The following EIF4G3 variants were observed in gnomAD, a reference collection of about 807,000 sequenced individuals.
The protein encoded by EIF4G3 is eIF-4-gamma 3.
EIF4G3 carries 34 observed loss-of-function variants against 186.4 expected under a neutral mutation model. The ratio of observed to expected loss-of-function variants is 0.18; its 90% CI spans 0.14 to 0.24. The LOEUF is 0.24. EIF4G3 is among the 10% of genes least tolerant of loss of function. The probability of loss-of-function intolerance (pLI) is 1.00; values close to 1 mark genes in which losing one functional copy is unlikely to be tolerated. For synonymous variants in EIF4G3, 673 were observed against 679.5 expected, an observed-to-expected ratio of 0.99 and a Z score of 0.15; for missense variants, 1,536 against 1,948.5, an observed-to-expected ratio of 0.79 and a Z score of 3.99.
At chr1:20,917,931 ATATAGT>A (rs2094075417) in intron 14 of EIF4G3, among the ~76,000 whole-genome samples, 1 of 73,732 alleles carries the variant, frequency 1.4e-5, no homozygotes, top group Admixed American at 1.3e-4. Flanking sequence ...TTAAAATTAT[ATATAGT>A]TATTTTTCCG....
intron 2 of EIF4G3, among the ~76,000 whole-genome samples, chr1:21,138,999 C>G (rs2097294821): frequency 6.6e-6 from 1 of 152,042 alleles, no homozygotes; most frequent in African/African-American, 2.4e-5. Context: ...ATCCTCCTGC[C>G]TTGGCCTCCC....
rs1445624960 is a variant in EIF4G3 at position 21,024,377 on chromosome 1, C to T, written c.-66-21569G>A. The stretch of plus-strand genomic sequence containing the variant: ...CAGCCCCCTGCCCAGCCAGCCACCC[C>T]GTCTGGGAGGTGTGCCCAACAGCTC... On this transcript the variant is annotated intron_variant, in intron 4 of 36. Coordinates refer to ENST00000602326, the MANE Select transcript of EIF4G3 (RefSeq NM_001391906.1). 3.9e-5 allele frequency among the ~76,000 whole-genome samples: 6 copies of T among 152,364 alleles called. No individual in the cohort carries two copies. The South Asian group carries it at 8.3e-4, about 21-fold the overall frequency.
At chr1:21,129,771 G>T (rs1245755815) in intron 2 of EIF4G3, among the ~76,000 whole-genome samples, 1 of 151,990 alleles carries the variant, frequency 6.6e-6, no homozygotes. Context: ...TTTGGGCCTA[G>T]GATCCCACAC....
At chr1:21,042,112 A>G (rs1262927427) in intron 4 of EIF4G3, among the ~76,000 whole-genome samples, 1 of 151,692 alleles carries the variant, frequency 6.6e-6, no homozygotes, top group African/African-American at 2.4e-5. Flanking sequence ...TTAGCCTCCC[A>G]ATCAGGTGAG....
intron 3 of EIF4G3, among the ~76,000 whole-genome samples, chr1:21,065,897 T>C (rs1386126198): frequency 1.3e-5 from 2 of 152,132 alleles, no homozygotes; most frequent in African/African-American, 4.8e-5. Flanking sequence ...TTTATACAAA[T>C]GGGGGTGAGA....
intron 2 of EIF4G3, among the ~76,000 whole-genome samples, chr1:21,096,750 G>A (rs891531809): frequency 6.6e-6 from 1 of 152,178 alleles, no homozygotes; most frequent in Non-Finnish European, 1.5e-5. Flanking sequence ...ACTCACATAT[G>A]ACGAAAGTCA....
chr1:20,876,939 T>A (rs2081061945), intron 20 of EIF4G3, among the ~76,000 whole-genome samples: 1 of 152,126 alleles, frequency 6.6e-6, no homozygotes, highest in African/African-American at 2.4e-5. Context: ...ATGATCATGC[T>A]ACTGGACTCC....
At chr1:20,928,150 T>G (rs2095052616) in intron 14 of EIF4G3, among the ~76,000 whole-genome samples, 1 of 152,094 alleles carries the variant, frequency 6.6e-6, no homozygotes, top group African/African-American at 2.4e-5. Flanking sequence ...ATTTAACTAG[T>G]AGTAAAGTAA....
chr1:20,826,481 CTTTTTTTT>C (rs71014120), intron 32 of EIF4G3, among the ~76,000 whole-genome samples: 1,161 of 50,712 alleles, frequency 0.023, 17 homozygotes, highest in Non-Finnish European at 0.033. Flanking sequence ...GTGAGTCTTT[CTTTTTTTT>C]TTTTTTTTTT....
intron 30 of EIF4G3, among the ~76,000 whole-genome samples, chr1:20,839,469 C>T (rs1446088038): frequency 1.3e-5 from 2 of 152,238 alleles, no homozygotes; most frequent in African/African-American, 4.8e-5. Context: ...TAGAAGACAA[C>T]GCTGTCATTG....
At chr1:21,124,212 C>A (rs1388617363) in intron 2 of EIF4G3, among the ~76,000 whole-genome samples, 2 of 151,820 alleles carry the variant, frequency 1.3e-5, no homozygotes, top group Non-Finnish European at 2.9e-5. Context: ...TGCTTGAACC[C>A]AGGAGGCGGA....
At chr1:20,950,179 C>T in intron 12 of EIF4G3, 68 bp from the exon 13 acceptor site, 1 of 1,210,926 alleles carries the variant, frequency 8.3e-7, no homozygotes, top group Non-Finnish European at 1.1e-6. Context: ...ACATGGAACC[C>T]AAGCAAGTAG....
intron 3 of EIF4G3, among the ~76,000 whole-genome samples, chr1:21,079,141 A>G (rs2095683500): frequency 6.6e-6 from 1 of 152,194 alleles, no homozygotes; most frequent in African/African-American, 2.4e-5. Context: ...ATGATAGGAC[A>G]ATCAAACAGA....
intron 7 of EIF4G3, among the ~76,000 whole-genome samples, chr1:20,994,627 A>ATTT (rs1558615949): frequency 9.2e-6 from 1 of 109,144 alleles, no homozygotes; most frequent in Non-Finnish European, 2.0e-5. Context: ...AAACATATAT[A>ATTT]CTTTTTTTTT....
intron 14 of EIF4G3, among the ~76,000 whole-genome samples, chr1:20,923,415 A>G (rs1402225564): frequency 6.6e-6 from 1 of 152,160 alleles, no homozygotes; most frequent in Non-Finnish European, 1.5e-5. Context: ...GCACTTTTGC[A>G]TTTTAATAAG....
At chr1:20,968,955 A>C (rs2075282814) in intron 12 of EIF4G3, among the ~76,000 whole-genome samples, 1 of 152,192 alleles carries the variant, frequency 6.6e-6, no homozygotes, top group Non-Finnish European at 1.5e-5. Flanking sequence ...TAATTAAAGA[A>C]GACACTCTGC....
chr1:20,865,462 C>T (rs569115441), intron 20 of EIF4G3, among the ~76,000 whole-genome samples, 200 bp from the exon 21 acceptor site: 1 of 152,024 alleles, frequency 6.6e-6, no homozygotes, highest in South Asian at 2.1e-4. Context: ...ACACATTCCT[C>T]TCATATAAAT....
intron 2 of EIF4G3, among the ~76,000 whole-genome samples, chr1:21,140,375 G>A (rs773418507): frequency 8.5e-5 from 13 of 152,050 alleles, no homozygotes; most frequent in Non-Finnish European, 1.3e-4. Context: ...GTGCAGTAGC[G>A]TGATCTCAGC....
chr1:21,108,426 T>C (rs768783497), intron 2 of EIF4G3, among the ~76,000 whole-genome samples: 56 of 152,076 alleles, frequency 3.7e-4, no homozygotes, highest in Non-Finnish European at 7.1e-4. Flanking sequence ...TACTAGACAA[T>C]GGAGAAAGGA....
Sources: allele counts gnomAD v4.1 joint callset (sites outside exome capture counted in the v4.1 genomes callset), GRCh38; gene constraint gnomAD v4.1.1; transcripts MANE v1.5; gene names NCBI Gene and HGNC (gene_info 2026-07-23, HGNC 2026-07-21).